The following XKR5 variants were observed in gnomAD, a reference collection of about 807,000 sequenced individuals.
XKR5 encodes the protein XK-related protein 5.
XKR5 carries 46 observed loss-of-function variants against 40.8 expected under a neutral mutation model. The observed-to-expected ratio is 1.13, with a 90% CI of 0.89 to 1.44. The LOEUF is 1.44. Ranked by LOEUF, XKR5 falls within the 40% of genes most tolerant of loss-of-function variation. The probability of loss-of-function intolerance (pLI) is 0.00; values close to 1 mark genes in which losing one functional copy is unlikely to be tolerated. For synonymous variants in XKR5, 466 were observed against 356.1 expected, an observed-to-expected ratio of 1.31 and a Z score of -3.48; for missense variants, 1,169 against 844.7, an observed-to-expected ratio of 1.38 and a Z score of -4.76.
chr8:6,812,956 A>G (rs1428338865), intron 6 of XKR5, among the ~76,000 whole-genome samples: 1 of 152,268 alleles, frequency 6.6e-6, no homozygotes, highest in Non-Finnish European at 1.5e-5. Flanking sequence ...AGAAGTGTTG[A>G]CTGCTGCAAT....
In XKR5 at chr8:6,809,203, C is replaced by T. The variant is rs1443563251; in HGVS notation, c.*1995G>A. On this transcript the variant is annotated 3_prime_UTR_variant, in exon 7 of 7. Transcript: ENST00000618742. Reference sequence around the variant, plus strand: ...GAGGACTCAGGGAAGTGCTCATGCTCTCACCTGGCTGGGCGAGAGACTGCA... The same window carrying T: ...GAGGACTCAGGGAAGTGCTCATGCTTTCACCTGGCTGGGCGAGAGACTGCA... 3.9e-5 allele frequency: 6 copies of T among 152,294 alleles called. No homozygotes were observed. The highest frequency in any genetic ancestry group is 8.8e-5 in the Non-Finnish European group (6 of 68,112). 9.4% of individuals were successfully genotyped at this position (152,294 alleles called of 1,614,324 possible). A position where few individuals can be genotyped will look rare whatever the true frequency, so the allele number is the denominator to read the frequency against.
intron 2 of XKR5, 62 bp from the exon 3 acceptor site, chr8:6,825,411 G>C (rs1804420725): frequency 7.0e-7 from 1 of 1,437,508 alleles, no homozygotes; most frequent in Non-Finnish European, 9.2e-7. Flanking sequence ...AATAGGACGA[G>C]CTTTCATTTA....
intron 2 of XKR5, among the ~76,000 whole-genome samples, chr8:6,831,308 A>C (rs144307069): frequency 1.3e-5 from 2 of 152,218 alleles, no homozygotes; most frequent in African/African-American, 4.8e-5. Context: ...CTGTCTTTTC[A>C]GGGGAACGGC....
rs183459728 is a variant in XKR5 at position 6,821,055 on chromosome 8, G to T, written c.807+814C>A. Among the ~76,000 whole-genome samples, 40 of 152,336 alleles carry T rather than the reference G, an allele frequency of 2.6e-4. No individual in the cohort carries two copies. In the East Asian group the frequency reaches 6.6e-3, roughly 25 times the overall value. On this transcript the variant is annotated intron_variant, in intron 5 of 6. Coordinates refer to ENST00000618742, the MANE Select transcript of XKR5 (RefSeq NM_207411.5). ...TTTAATCTTCACAGGAACACTGAGAGGGGGGTGACTTATTCCTAGCGTGTG... is the reference window on the plus strand; with the variant it reads ...TTTAATCTTCACAGGAACACTGAGATGGGGGTGACTTATTCCTAGCGTGTG...
chr8:6,825,179 G>A lies in XKR5; in HGVS notation c.413C>T (p.Thr138Ile). The part of the protein sequence containing the change: ...QTYVFLASDF[T>I]DIVPGVSTLF... The stretch of plus-strand genomic sequence containing the variant: ...CAGTTACTCACCTGGCACAATATCT[G>A]TGAAGTCTGAGGCTAGAAAAACATA... Residue 138 changes from threonine to isoleucine, a missense_variant, in exon 3 of 7, where the codon ACA (threonine) becomes ATA (isoleucine). Thr to Ile is a moderately conservative substitution (Grantham distance 89). Transcript: ENST00000618742. 1 of 1,613,590 alleles carries A rather than the reference G, an allele frequency of 6.2e-7. No individual in the cohort carries two copies. Among genetic ancestry groups the A allele is most frequent in the Non-Finnish European group, 8.5e-7 (1 of 1,179,738 alleles).
At chr8:6,818,802 C>G (rs565838757) in intron 5 of XKR5, among the ~76,000 whole-genome samples, 1 of 152,232 alleles carries the variant, frequency 6.6e-6, no homozygotes, top group East Asian at 1.9e-4. Flanking sequence ...CCCCCAGCCC[C>G]CAGCCCCTGC....
chr8:6,811,045 T>G lies in XKR5; in HGVS notation c.*153A>C, dbSNP rs1160283519. 3.0e-6 allele frequency: 2 copies of G among 676,994 alleles called. No homozygotes were observed. The highest frequency in any genetic ancestry group is 4.3e-6 in the Non-Finnish European group (2 of 469,016). The allele number at this position is 676,994 out of a possible 1,614,324, so 41.9% of individuals were successfully genotyped here. ...TTGGACCTGCAAAATCATCCAGCCC[T>G]GTTTCTTCATTTTTCAGGGATGCAG... is the stretch of plus-strand genomic sequence containing the variant. On this transcript the variant is annotated 3_prime_UTR_variant, in exon 7 of 7. Transcript: ENST00000618742.
intron 1 of XKR5, among the ~76,000 whole-genome samples, chr8:6,833,646 G>A (rs993758847): frequency 6.6e-6 from 1 of 152,174 alleles, no homozygotes; most frequent in Admixed American, 6.5e-5. Context: ...AACTCAGGAG[G>A]CGGAGTTTGC....
chr8:6,833,079 C>G (rs1441485547), intron 1 of XKR5, among the ~76,000 whole-genome samples, 179 bp from the exon 2 acceptor site: 1 of 152,162 alleles, frequency 6.6e-6, no homozygotes, highest in Non-Finnish European at 1.5e-5. Context: ...AGCAAAGGGC[C>G]CAGCCAGGAG....
chr8:6,832,822 C>A lies in XKR5; in HGVS notation c.137G>T (p.Gly46Val), dbSNP rs776687772. ...GWLALAVLLPGFLVQALSYLW... is the reference protein window; with the variant it reads ...GWLALAVLLPVFLVQALSYLW... Reference sequence around the variant, plus strand: ...GTAGCTCAGGGCCTGGACCAAGAACCCGGGCAGGAGGACAGCAAGGGCCAG... The same window carrying A: ...GTAGCTCAGGGCCTGGACCAAGAACACGGGCAGGAGGACAGCAAGGGCCAG... The change falls in exon 2 of 7, where the codon GGG becomes GTG. Residue 46 changes from glycine (G) to valine (V), a missense_variant. Transcript: ENST00000618742. The A allele has an allele frequency of 6.2e-7, 1 of 1,612,458 alleles. No individual in the cohort carries two copies. Among genetic ancestry groups the A allele is most frequent in the African/African-American group, 1.3e-5 (1 of 74,954 alleles).
chr8:6,818,818 C>G (rs557708751), intron 5 of XKR5, among the ~76,000 whole-genome samples: 1 of 152,208 alleles, frequency 6.6e-6, no homozygotes, highest in Non-Finnish European at 1.5e-5. Flanking sequence ...CCTGCCAGAC[C>G]GTTCCAGCAG....
At chr8:6,835,405 G>A in intron 1 of XKR5, 31 bp downstream of exon 1, 1 of 1,444,982 alleles carries the variant, frequency 6.9e-7, no homozygotes, top group Non-Finnish European at 9.0e-7. Context: ...GGGCTGCAGG[G>A]GTGAGCACAG....
intron 5 of XKR5, 66 bp downstream of exon 5, chr8:6,821,803 A>G (rs549511683): frequency 1.4e-6 from 2 of 1,453,178 alleles, no homozygotes; most frequent in Admixed American, 4.2e-5. Flanking sequence ...CCCCCCACAC[A>G]CACCCACACA....
Position 6,835,439 on chromosome 8 carries a change from CG to C in XKR5, c.54del (p.Ser18ArgfsTer35). The C allele has an allele frequency of 6.7e-7, 1 of 1,489,906 alleles. No homozygotes were observed. Among genetic ancestry groups the C allele is most frequent in the South Asian group, 1.3e-5 (1 of 79,156 alleles). 92.3% of individuals were successfully genotyped at this position (1,489,906 alleles called of 1,614,324 possible). On this transcript the variant is annotated frameshift_variant, in exon 1 of 7. Coordinates refer to ENST00000618742, the MANE Select transcript of XKR5 (RefSeq NM_207411.5). LOFTEE classifies it high-confidence loss of function. ...LSALLQAAEQ[S>X]ARLYTVAYYF... The stretch of plus-strand genomic sequence containing the variant: ...AGCCTCGGGCTGCCGCACTCACGCG[CG>C]CTCTGCTCGGCCGCCTGCAGCAGGG...
intron 5 of XKR5, among the ~76,000 whole-genome samples, chr8:6,817,351 C>A (rs996267551): frequency 1.3e-5 from 2 of 152,196 alleles, no homozygotes; most frequent in African/African-American, 4.8e-5. Flanking sequence ...CTGGGGTCAT[C>A]TTCCAGCATG....
chr8:6,812,164 T>G lies in XKR5; in HGVS notation c.1095A>C (p.Gln365His). 6.4e-7 allele frequency: 1 copy of G among 1,551,684 alleles called. No homozygotes were observed. The highest frequency in any genetic ancestry group is 8.7e-7 in the Non-Finnish European group (1 of 1,147,004). The change falls in exon 7 of 7, where the codon CAA becomes CAC. Residue 365 changes from glutamine to histidine, a missense_variant. Physicochemically the swap from Gln to His is conservative, Grantham distance 24. Transcript: ENST00000618742. The part of the protein sequence containing the change: ...GKRTESSGSC[Q>H]GASYEPTILG... The stretch of plus-strand genomic sequence containing the variant: ...AAATGGTTGGTTCATAACTTGCCCC[T>G]TGGCATGAGCCTGAGCTCTCGGTTC...
intron 5 of XKR5, among the ~76,000 whole-genome samples, chr8:6,818,186 G>A (rs1460367909): frequency 1.3e-5 from 2 of 152,198 alleles, no homozygotes; most frequent in African/African-American, 2.4e-5. Context: ...TCACTTTCCT[G>A]TGGATTTCCA....
In XKR5 at chr8:6,834,127, C is replaced by T. The variant is rs992370857; in HGVS notation, c.59-1227G>A. The stretch of plus-strand genomic sequence containing the variant: ...CTGGGCCTCCCCAATACTCCTAGCA[C>T]GGCCTCCTCAGGGTTGTCTGAGGCT... On this transcript the variant is annotated intron_variant, in intron 1 of 6. Transcript: ENST00000618742. Among the ~76,000 whole-genome samples the T allele has an allele frequency of 5.3e-5, 8 of 152,220 alleles. 1 individual carries two copies. Among genetic ancestry groups the T allele is most frequent in the South Asian group, 4.1e-4 (2 of 4,834 alleles).
intron 1 of XKR5, among the ~76,000 whole-genome samples, 193 bp from the exon 2 acceptor site, chr8:6,833,093 G>A (rs1000007943): frequency 1.3e-5 from 2 of 152,172 alleles, no homozygotes; most frequent in Non-Finnish European, 2.9e-5. Context: ...CCAGGAGCTT[G>A]CCTTTGACAT....
Sources: allele counts gnomAD v4.1 joint callset (sites outside exome capture counted in the v4.1 genomes callset), GRCh38; gene constraint gnomAD v4.1.1; transcripts MANE v1.5; gene names NCBI Gene and HGNC (gene_info 2026-07-23, HGNC 2026-07-21).